MVB12B: variants seen among roughly 807,000 people sequenced by gnomAD.
MVB12B encodes the protein multivesicular body subunit 12B.
MVB12B carries 16 observed loss-of-function variants against 41.6 expected under a neutral mutation model. That is an observed-to-expected ratio of 0.38 (90% CI 0.26 to 0.58). MVB12B has a LOEUF of 0.58. Ranked by LOEUF, MVB12B falls within the 20% of genes least tolerant of loss-of-function variation. The pLI is 0.62. For synonymous variants in MVB12B, 133 were observed against 139.7 expected (o/e 0.95, Z 0.34); for missense variants, 274 against 380.2 (o/e 0.72, Z 2.32).
At chr9:126,432,205 C>T (rs116584419) in intron 7 of MVB12B, among the ~76,000 whole-genome samples, 115 of 152,304 alleles carry the variant, frequency 7.6e-4, no homozygotes, top group African/African-American at 2.7e-3. Context: ...GAAATATGCC[C>T]ATTTCCCCCT....
intron 2 of MVB12B, among the ~76,000 whole-genome samples, chr9:126,361,546 T>C (rs1830030223): frequency 6.6e-6 from 1 of 150,592 alleles, no homozygotes. Context: ...TCTGCATTTG[T>C]GTAGATCTGC....
Position 126,442,851 on chromosome 9 carries a change from CAGATGGTCATACTGTTACAGGGA to C in MVB12B, c.757+20906_757+20928del, listed in dbSNP as rs532131992. Among the ~76,000 whole-genome samples, 17 of 152,254 alleles carry C rather than the reference CAGATGGTCATACTGTTACAGGGA, an allele frequency of 1.1e-4. No individual in the cohort carries two copies. The East Asian group carries it at 3.1e-3, about 28-fold the overall frequency. The stretch of plus-strand genomic sequence containing the variant: ...AATGTGCCTTTCACACGGCAGTGGG[CAGATGGTCATACTGTTACAGGGA>C]AGTGGGAACACATACTCGGGAATGG... On this transcript the variant is annotated intron_variant, in intron 7 of 9. Transcript: ENST00000361171.
At chr9:126,445,356 G>A (rs934408905) in intron 7 of MVB12B, among the ~76,000 whole-genome samples, 3 of 152,154 alleles carry the variant, frequency 2.0e-5, no homozygotes, top group African/African-American at 4.8e-5. Context: ...ACCCAGGCTG[G>A]AGTACAGTGG....
intron 1 of MVB12B, among the ~76,000 whole-genome samples, chr9:126,329,074 C>T (rs1053754552): frequency 1.3e-5 from 2 of 152,108 alleles, no homozygotes; most frequent in East Asian, 1.9e-4. Context: ...TGAGCCACCA[C>T]GCCTGGCCTA....
chr9:126,339,283 C>T (rs1829372194), intron 1 of MVB12B, among the ~76,000 whole-genome samples: 1 of 152,198 alleles, frequency 6.6e-6, no homozygotes, highest in African/African-American at 2.4e-5. Flanking sequence ...GAATATTCCT[C>T]CTGCCTGCTT....
intron 7 of MVB12B, among the ~76,000 whole-genome samples, chr9:126,475,214 A>G (rs142764943): frequency 7.2e-5 from 11 of 152,222 alleles, no homozygotes; most frequent in African/African-American, 2.6e-4. Flanking sequence ...TCACTCTGTT[A>G]TCTGGTTTGT....
chr9:126,422,004 T>C, intron 7 of MVB12B, 56 bp downstream of exon 7: 1 of 1,155,320 alleles, frequency 8.7e-7, no homozygotes, highest in East Asian at 2.5e-5. Context: ...GGGCGCCACC[T>C]CCTTCCACAC....
At chr9:126,342,652 A>G (rs1829478992) in intron 2 of MVB12B, among the ~76,000 whole-genome samples, 1 of 152,286 alleles carries the variant, frequency 6.6e-6, no homozygotes, top group African/African-American at 2.4e-5. Context: ...GAAAGCCCTA[A>G]CAGGGAGAGA....
intron 9 of MVB12B, among the ~76,000 whole-genome samples, chr9:126,495,843 A>C (rs906238380): frequency 6.6e-6 from 1 of 152,182 alleles, no homozygotes; most frequent in Non-Finnish European, 1.5e-5. Flanking sequence ...ACAGGCCAGC[A>C]CTGTGTGAAC....
intron 8 of MVB12B, among the ~76,000 whole-genome samples, chr9:126,482,692 G>C (rs1197293069): frequency 6.6e-6 from 1 of 152,254 alleles, no homozygotes; most frequent in East Asian, 1.9e-4. Context: ...TGGCAGCACA[G>C]AGAGCACCAC....
chr9:126,340,498 G>T lies in MVB12B; in HGVS notation c.82-10G>T, dbSNP rs1458425522. The T allele has an allele frequency of 6.2e-7, 1 of 1,612,052 alleles. No individual in the cohort carries two copies. Among genetic ancestry groups the T allele is most frequent in the Non-Finnish European group, 8.5e-7 (1 of 1,179,196 alleles). ...GAATTTTGTGTTTTCTTTTTCCTTT[G>T]CTGAACCAGGACCAGTCCACCATGC... On this transcript the variant is annotated splice_polypyrimidine_tract_variant and intron_variant, in intron 1 of 9. Transcript: ENST00000361171. This position sits in a 1 kb window ranked among gnomAD's most constrained non-coding sequence, Gnocchi z 4.0.
chr9:126,446,511 C>CA (rs34637951), intron 7 of MVB12B, among the ~76,000 whole-genome samples: 57,864 of 113,714 alleles, frequency 0.51, 12,618 homozygotes, highest in South Asian at 0.57. Flanking sequence ...AAAAGAACAC[C>CA]AAAAAAAAAA....
intron 1 of MVB12B, chr9:126,327,437 C>A: frequency 1.7e-6 from 1 of 581,682 alleles, no homozygotes; most frequent in Non-Finnish European, 2.2e-6. Flanking sequence ...CCAACGTGCA[C>A]CTGCCCCAGG....
intron 1 of MVB12B, among the ~76,000 whole-genome samples, chr9:126,334,694 C>A (rs1219399972): frequency 1.3e-5 from 2 of 152,154 alleles, no homozygotes; most frequent in Admixed American, 6.5e-5. Context: ...CACCACCCAG[C>A]AAAACCTGAT....
chr9:126,373,990 T>C (rs1379546381), intron 2 of MVB12B, among the ~76,000 whole-genome samples: 1 of 152,240 alleles, frequency 6.6e-6, no homozygotes, highest in Non-Finnish European at 1.5e-5. Context: ...ACTAAAGTAT[T>C]GTACTTTATA....
intron 7 of MVB12B, 37 bp downstream of exon 7, chr9:126,421,985 C>A: frequency 6.8e-7 from 1 of 1,468,244 alleles, no homozygotes; most frequent in Non-Finnish European, 9.4e-7. Flanking sequence ...GCTACAGAGT[C>A]TGTGTCCCGG....
intron 6 of MVB12B, among the ~76,000 whole-genome samples, chr9:126,410,353 T>C (rs553820963): frequency 6.6e-6 from 1 of 152,220 alleles, no homozygotes; most frequent in Non-Finnish European, 1.5e-5. Context: ...TAAAGCAACA[T>C]GGCATGGTGG....
chr9:126,434,371 A>G (rs1468678), intron 7 of MVB12B, among the ~76,000 whole-genome samples: 134,976 of 152,250 alleles, frequency 0.89, 59,937 homozygotes, highest in East Asian at 1. Flanking sequence ...AATGAATGAT[A>G]CAGAACTCTC....
At chr9:126,498,526 C>T (rs1304754414) in intron 9 of MVB12B, among the ~76,000 whole-genome samples, 7 of 152,268 alleles carry the variant, frequency 4.6e-5, no homozygotes, top group Admixed American at 3.3e-4. Context: ...CTCACTAGTT[C>T]ATGTCTGTCG....
Sources: gnomAD v4.1 joint callset for allele counts (sites outside exome capture counted in the v4.1 genomes callset) on GRCh38, gnomAD v4.1.1 for gene constraint, Gnocchi (gnomAD v3.1) non-coding constraint, MANE v1.5 for transcripts, NCBI Gene and HGNC (gene_info 2026-07-23, HGNC 2026-07-21) for gene names.